Variants in COL12A1 observed in about 807,000 individuals in gnomAD.
COL12A1 encodes the protein collagen type XII alpha 1 chain.
In COL12A1, 114 loss-of-function variants were observed where a neutral mutation model predicts 349.7. That is an observed-to-expected ratio of 0.33 (90% CI 0.28 to 0.38). The LOEUF (loss-of-function observed/expected upper bound fraction) is 0.38, where lower values mean the gene tolerates loss of function less well. Among genes scored for constraint, COL12A1 ranks in the 10% least tolerant of loss-of-function variants. The pLI is 1.00. For synonymous variants in COL12A1, 1,369 were observed against 1,329.0 expected (o/e 1.03, Z -0.66); for missense variants, 3,284 against 3,756.9 (o/e 0.87, Z 3.29).
intron 8 of COL12A1, among the ~76,000 whole-genome samples, chr6:75,188,088 G>A (rs1255342132): frequency 1.3e-5 from 2 of 151,988 alleles, no homozygotes; most frequent in Non-Finnish European, 2.9e-5. Flanking sequence ...GTACACAAAA[G>A]AGTCTTAAAG....
chr6:75,130,966 T>C lies in COL12A1; in HGVS notation c.5953A>G (p.Asn1985Asp). ...RPSESIVVPG[N>D]TRMVHLERLI... is the part of the protein sequence containing the mutation. The stretch of plus-strand genomic sequence containing the variant: ...CGCTCCAGATGCACCATGCGCGTGT[T>C]TCCTGGCACTACTATCTGCAGGAGA... The change falls in exon 36 of 66, where the codon AAC becomes GAC. Residue 1985 changes from asparagine (N) to aspartate (D), a missense_variant. Transcript: ENST00000322507. 1 of 1,614,132 alleles carries C rather than the reference T, an allele frequency of 6.2e-7. No homozygotes were observed. Among genetic ancestry groups the C allele is most frequent in the Non-Finnish European group, 8.5e-7 (1 of 1,180,004 alleles).
Position 75,183,640 on chromosome 6 carries a change from C to A in COL12A1, c.1301G>T (p.Gly434Val). 1 of 1,604,300 alleles carries A rather than the reference C, an allele frequency of 6.2e-7. No homozygotes were observed. The highest frequency in any genetic ancestry group is 8.5e-7 in the Non-Finnish European group (1 of 1,177,316). ...PMKVQVECSR[G>V]VDIKADIVFL... ...CACAATATCGGCTTTTATATCCACA[C>A]CACGTGAGCATTCTGTAAAGAGAAA... Residue 434 changes from glycine (G) to valine (V), a missense_variant, in exon 10 of 66, where the codon GGT becomes GTT. Around this residue, in one of 2 missense-constraint regions of COL12A1, gnomAD observed 2,601 missense variants for 2,824.8 expected, o/e 0.92. Coordinates refer to ENST00000322507, the MANE Select transcript of COL12A1 (RefSeq NM_004370.6).
rs751638930 is a variant in COL12A1 at position 75,095,148 on chromosome 6, G to A, written c.8609C>T (p.Pro2870Leu). The A allele has an allele frequency of 1.8e-5, 29 of 1,614,044 alleles. No homozygotes were observed. The South Asian group carries it at 3.0e-4, about 17-fold the overall frequency. Residue 2870 changes from proline (P) to leucine (L), a missense_variant, in exon 60 of 66, where the codon CCA (proline) becomes CTA (leucine). Pro to Leu is a moderately conservative substitution (Grantham distance 98). Around this residue, in one of 2 missense-constraint regions of COL12A1, gnomAD observed 683 missense variants for 932.1 expected, o/e 0.73. Transcript: ENST00000322507. Reference protein sequence around the residue: ...GSPGSPGVTGPSGKPGKPGDH... With the variant: ...GSPGSPGVTGLSGKPGKPGDH... ...TCCAGGTTTTCCTGGCTTCCCACTT[G>A]GTCCTGTGACTCCTGGGGAGCCTGG... is the stretch of plus-strand genomic sequence containing the variant.
intron 2 of COL12A1, among the ~76,000 whole-genome samples, chr6:75,202,375 C>T (rs531481751): frequency 5.0e-4 from 76 of 152,302 alleles, no homozygotes; most frequent in Non-Finnish European, 9.0e-4. Context: ...CCGGAGGTGT[C>T]CTGTTGGTTG....
At chr6:75,136,189 A>C (rs919013580) in intron 31 of COL12A1, among the ~76,000 whole-genome samples, 3 of 152,206 alleles carry the variant, frequency 2.0e-5, no homozygotes, top group Non-Finnish European at 4.4e-5. Context: ...AGTTTTACCG[A>C]AATCTGGCAT....
Position 75,183,386 on chromosome 6 carries a change from T to C in COL12A1, c.1555A>G (p.Thr519Ala), listed in dbSNP as rs1769428328. The C allele has an allele frequency of 1.9e-6, 3 of 1,614,236 alleles. No individual in the cohort carries two copies. The highest frequency in any genetic ancestry group is 1.6e-4 in the Middle Eastern group (1 of 6,062). The change falls in exon 10 of 66, where the codon ACT becomes GCT. Residue 519 changes from threonine (T) to alanine (A), a missense_variant. Physicochemically the swap from Thr to Ala is moderately conservative, Grantham distance 58. Around this residue, in one of 2 missense-constraint regions of COL12A1, gnomAD observed 2,601 missense variants for 2,824.8 expected, o/e 0.92. Transcript: ENST00000322507. ...TFPYRGGSTN[T>A]GKAMTYVREK... ...CTGACATAAGTCATTGCTTTGCCAG[T>C]ATTTGTAGATCCTCCTCTGTAAGGG... is the stretch of plus-strand genomic sequence containing the variant.
chr6:75,145,611 C>CTTTTTTTTTTTTTTTTTT (rs56698330), intron 24 of COL12A1, among the ~76,000 whole-genome samples, 156 bp from the exon 25 acceptor site: 3 of 121,188 alleles, frequency 2.5e-5, no homozygotes, highest in South Asian at 2.8e-4. Flanking sequence ...CTGATGTTTT[C>CTTTTTTTTTTTTTTTTTT]TTTTTTTTTT....
intron 31 of COL12A1, among the ~76,000 whole-genome samples, chr6:75,135,478 A>ATT (rs2149391058): frequency 6.6e-6 from 1 of 152,288 alleles, no homozygotes; most frequent in South Asian, 2.1e-4. Flanking sequence ...ATTTACTCTA[A>ATT]TTATGGAGCT....
rs763051678 is a variant in COL12A1 at position 75,183,960 on chromosome 6, G to A, written c.1182C>T (p.Leu394=). The change falls in exon 9 of 66, where the codon CTC becomes CTT. Residue 394 remains leucine, a synonymous_variant. Coordinates refer to ENST00000322507, the MANE Select transcript of COL12A1 (RefSeq NM_004370.6). ...TGATCTGGTATTCTGTGTCTGCTGAGAGGTCGCGAACACTGAGCGTGGTTG... is the reference window on the plus strand; with the variant it reads ...TGATCTGGTATTCTGTGTCTGCTGAAAGGTCGCGAACACTGAGCGTGGTTG... ...PQTTTLSVRD[L]SADTEYQISV... is the part of the protein sequence containing the mutation. The A allele has an allele frequency of 4.3e-6, 7 of 1,614,188 alleles. No individual in the cohort carries two copies. Among genetic ancestry groups the A allele is most frequent in the Non-Finnish European group, 4.2e-6 (5 of 1,180,038 alleles).
chr6:75,125,738 A>G (rs1240686715), intron 39 of COL12A1, among the ~76,000 whole-genome samples: 1 of 152,002 alleles, frequency 6.6e-6, no homozygotes, highest in Non-Finnish European at 1.5e-5. Flanking sequence ...TATTTCTTAC[A>G]TAGGTTCAAA....
At chr6:75,127,656 A>C (rs1375017310) in intron 38 of COL12A1, among the ~76,000 whole-genome samples, 1 of 152,102 alleles carries the variant, frequency 6.6e-6, no homozygotes, top group African/African-American at 2.4e-5. Context: ...ACATAGTTAC[A>C]TCAGTATCTC....
At chr6:75,123,208 C>CTTCAGCAG in intron 43 of COL12A1, 122 bp downstream of exon 43, 1 of 913,784 alleles carries the variant, frequency 1.1e-6, no homozygotes, top group East Asian at 2.7e-5. Context: ...TCTAAAAACT[C>CTTCAGCAG]TTCAGCAGCA....
intron 27 of COL12A1, among the ~76,000 whole-genome samples, chr6:75,140,875 G>T (rs1191513773): frequency 6.6e-6 from 1 of 151,990 alleles, no homozygotes; most frequent in Admixed American, 6.6e-5. Context: ...TGTCCATAAT[G>T]GAAACCACTA....
chr6:75,155,337 G>A (rs541119181), intron 16 of COL12A1, among the ~76,000 whole-genome samples: 2 of 152,104 alleles, frequency 1.3e-5, no homozygotes, highest in South Asian at 2.1e-4. Flanking sequence ...CTACAATTTC[G>A]GTGACATTGT....
chr6:75,126,665 C>G (rs561653733), intron 38 of COL12A1, among the ~76,000 whole-genome samples, 195 bp from the exon 39 acceptor site: 1 of 152,232 alleles, frequency 6.6e-6, no homozygotes, highest in African/African-American at 2.4e-5. Context: ...TAAACAGCAA[C>G]TCAAATAGAC....
intron 2 of COL12A1, among the ~76,000 whole-genome samples, chr6:75,197,099 C>G (rs2149485681): frequency 6.6e-6 from 1 of 152,238 alleles, no homozygotes; most frequent in East Asian, 1.9e-4. Flanking sequence ...GCATGCCATT[C>G]TATTTGTACA....
Position 75,152,339 on chromosome 6 carries a change from G to T in COL12A1, c.3709C>A (p.Gln1237Lys). The T allele has an allele frequency of 6.2e-7, 1 of 1,613,552 alleles. No individual in the cohort carries two copies. The highest frequency in any genetic ancestry group is 8.5e-7 in the Non-Finnish European group (1 of 1,179,688). Residue 1237 changes from glutamine (Q) to lysine (K), a missense_variant, in exon 18 of 66, where the codon CAA (glutamine) becomes AAA (lysine). Physicochemically the swap from Gln to Lys is moderately conservative, Grantham distance 53 (BLOSUM62 1). Coordinates refer to ENST00000322507, the MANE Select transcript of COL12A1 (RefSeq NM_004370.6). ...EVFDIGPKRV[Q>K]IALAQYSGDP... ...CAATGTTGTCAGAACCTACCAATTT[G>T]TACTCTTTTGGGGCCAATGTCAAAG...
intron 4 of COL12A1, 144 bp from the exon 5 acceptor site, chr6:75,191,904 A>T (rs1769950398): frequency 2.0e-6 from 1 of 498,864 alleles, no homozygotes; most frequent in African/African-American, 2.0e-5. Flanking sequence ...ACTGCCAAAT[A>T]ATCATTCCCT....
chr6:75,184,383 G>A (rs1406440129), intron 8 of COL12A1, among the ~76,000 whole-genome samples: 1 of 152,218 alleles, frequency 6.6e-6, no homozygotes, highest in Admixed American at 6.5e-5. Context: ...GTATTTGGAA[G>A]AAATTAATGT....
Sources: allele counts gnomAD v4.1 joint callset (sites outside exome capture counted in the v4.1 genomes callset), GRCh38; gene constraint gnomAD v4.1.1; regional missense constraint gnomAD v4.1.1; transcripts MANE v1.5; gene names NCBI Gene and HGNC (gene_info 2026-07-23, HGNC 2026-07-21).